Variants in B4GALT6 observed in about 807,000 individuals in gnomAD.
B4GALT6 encodes the protein UDP-Gal:beta-GlcNAc beta-1,4-galactosyltransferase 6.
Under a neutral mutation model 46.3 loss-of-function variants are expected in B4GALT6, and 14 were observed. That is an observed-to-expected ratio of 0.30 (90% confidence interval 0.20 to 0.47). The LOEUF (loss-of-function observed/expected upper bound fraction) is 0.47, where lower values mean the gene tolerates loss of function less well. B4GALT6 is among the 20% of genes least tolerant of loss of function. B4GALT6 has a pLI of 0.99. For synonymous variants in B4GALT6, 168 were observed against 162.0 expected, an observed-to-expected ratio of 1.04 and a Z score of -0.28; for missense variants, 386 against 480.1, an observed-to-expected ratio of 0.80 and a Z score of 1.83.
the B4GALT6 span, among the ~76,000 whole-genome samples, chr18:31,723,594 T>C: frequency 6.6e-6 from 1 of 151,732 alleles, no homozygotes; most frequent in Non-Finnish European, 1.5e-5. Flanking sequence ...CCAGACTGAA[T>C]TGCTCACCCC....
At chr18:31,648,997 G>A (rs1351496926) in intron 3 of B4GALT6, among the ~76,000 whole-genome samples, 2 of 152,174 alleles carry the variant, frequency 1.3e-5, no homozygotes, top group Non-Finnish European at 2.9e-5. Flanking sequence ...CAGTGTCAGA[G>A]AAAGACCTGA....
the B4GALT6 span, among the ~76,000 whole-genome samples, chr18:31,703,688 G>T: frequency 1.3e-5 from 2 of 152,228 alleles, no homozygotes; most frequent in Non-Finnish European, 2.9e-5. Context: ...GGAAAAGAAT[G>T]AGCCTAATAG....
chr18:31,707,720 G>T, the B4GALT6 span, among the ~76,000 whole-genome samples: 1 of 152,056 alleles, frequency 6.6e-6, no homozygotes, highest in Admixed American at 6.6e-5. Context: ...CCCACATTAT[G>T]CATGGTTCAT....
At chr18:31,653,435 C>CTTTTTTTTTTTTTTTTTTTTTTTTT (rs5823819) in intron 3 of B4GALT6, among the ~76,000 whole-genome samples, 1 of 74,146 alleles carries the variant, frequency 1.3e-5, no homozygotes, top group Non-Finnish European at 2.4e-5. Context: ...AACCTTTTTT[C>CTTTTTTTTTTTTTTTTTTTTTTTTT]TTTTTTTTTT....
chr18:31,685,196 C>T (rs1430954781), upstream of B4GALT6, among the ~76,000 whole-genome samples: 1 of 149,908 alleles, frequency 6.7e-6, no homozygotes, highest in African/African-American at 2.4e-5. Context: ...CGCCAGCTGC[C>T]TGCCTGGCCG....
At chr18:31,684,876 C>A (rs1048566705), upstream of B4GALT6, among the ~76,000 whole-genome samples, 2 of 150,314 alleles carry the variant, frequency 1.3e-5, no homozygotes, top group African/African-American at 4.9e-5. Context: ...CCGGCGGGGT[C>A]CCGCCGCGAA....
At chr18:31,638,890 T>C in intron 4 of B4GALT6, 130 bp from the exon 5 acceptor site, 1 of 726,974 alleles carries the variant, frequency 1.4e-6, no homozygotes, top group East Asian at 2.7e-5. Context: ...TCATCAGAGA[T>C]ACAACAGCAA....
intron 4 of B4GALT6, among the ~76,000 whole-genome samples, chr18:31,643,658 C>T (rs1667283): frequency 0.58 from 87,507 of 152,052 alleles, 27,006 homozygotes; most frequent in African/African-American, 0.82. Flanking sequence ...ATGTAGTTTA[C>T]AGTCAGTCTA....
chr18:31,684,508 T>G lies in B4GALT6; in HGVS notation c.-82A>C. On this transcript the variant is annotated 5_prime_UTR_variant, in exon 1 of 9. Coordinates refer to ENST00000306851, the MANE Select transcript of B4GALT6 (RefSeq NM_004775.5). ...TGTCCAGGCCCTAAACTTCCATAAA[T>G]GTGCTGAGAACCCCGAGACTGCAGC... is the stretch of plus-strand genomic sequence containing the variant. 2 of 1,551,420 alleles carry G rather than the reference T, an allele frequency of 1.3e-6. No individual in the cohort carries two copies. Among genetic ancestry groups the G allele is most frequent in the African/African-American group, 1.4e-5 (1 of 73,172 alleles).
chr18:31,681,821 G>T (rs967183833), intron 1 of B4GALT6, among the ~76,000 whole-genome samples: 17 of 152,128 alleles, frequency 1.1e-4, no homozygotes, highest in African/African-American at 3.9e-4. Context: ...TAACAGAGGA[G>T]ATTTGAAACG....
chr18:31,637,940 TAAATG>T (rs141713476), intron 5 of B4GALT6, among the ~76,000 whole-genome samples: 3,337 of 152,284 alleles, frequency 0.022, 47 homozygotes, highest in Non-Finnish European at 0.035. Flanking sequence ...GTTTCTCAAT[TAAATG>T]AAACTTTACA....
chr18:31,625,929 A>C (rs765650684), intron 8 of B4GALT6, among the ~76,000 whole-genome samples, 168 bp from the exon 9 acceptor site: 2 of 152,206 alleles, frequency 1.3e-5, no homozygotes, highest in Non-Finnish European at 2.9e-5. Context: ...CTAAATTAGC[A>C]ATTTTACTAC....
the B4GALT6 span, among the ~76,000 whole-genome samples, chr18:31,721,071 C>T: frequency 1.3e-5 from 2 of 151,658 alleles, no homozygotes; most frequent in Non-Finnish European, 2.9e-5. Flanking sequence ...CCTTGTGACT[C>T]ATGTAGCAAG....
chr18:31,691,803 G>A, the B4GALT6 span, among the ~76,000 whole-genome samples: 2 of 152,218 alleles, frequency 1.3e-5, no homozygotes, highest in East Asian at 3.9e-4. Flanking sequence ...TCTGAAACAG[G>A]AATTCTGGAC....
intron 1 of B4GALT6, among the ~76,000 whole-genome samples, chr18:31,675,788 A>T (rs1400377032): frequency 6.6e-6 from 1 of 152,212 alleles, no homozygotes; most frequent in Non-Finnish European, 1.5e-5. Context: ...CCCAGGAAAC[A>T]TTATAAAATT....
rs910327983 is a variant in B4GALT6, at chr18:31,631,291, A to C, written c.589-145T>G. 3.6e-6 allele frequency: 3 copies of C among 830,962 alleles called. No individual in the cohort carries two copies. In the African/African-American group the frequency reaches 5.4e-5, roughly 15 times the overall value. The allele number at this position is 830,962 out of a possible 1,614,324, so 51.5% of individuals were successfully genotyped here. ...CTGGTCTCGAACTACTGACCTCGTGATCCACCCACCTCAGCCTCCCAAGGT... is the reference window on the plus strand; with the variant it reads ...CTGGTCTCGAACTACTGACCTCGTGCTCCACCCACCTCAGCCTCCCAAGGT... On this transcript the variant is annotated intron_variant, in intron 5 of 8. Coordinates refer to ENST00000306851, the MANE Select transcript of B4GALT6 (RefSeq NM_004775.5).
chr18:31,719,728 C>T, the B4GALT6 span, among the ~76,000 whole-genome samples: 1 of 152,004 alleles, frequency 6.6e-6, no homozygotes, highest in Non-Finnish European at 1.5e-5. Flanking sequence ...TGGGGAGTGC[C>T]GTTTGATCAG....
intron 2 of B4GALT6, among the ~76,000 whole-genome samples, chr18:31,663,217 G>A (rs577021992): frequency 3.9e-5 from 6 of 152,268 alleles, no homozygotes; most frequent in African/African-American, 7.2e-5. Context: ...ATTTTGCTGC[G>A]AAACAGCAGC....
the B4GALT6 span, among the ~76,000 whole-genome samples, chr18:31,701,298 C>T: frequency 1.3e-5 from 2 of 152,206 alleles, no homozygotes; most frequent in Non-Finnish European, 2.9e-5. Flanking sequence ...CTCTCTCTTG[C>T]TCCTGCTCTG....
Sources: allele counts gnomAD v4.1 joint callset (sites outside exome capture counted in the v4.1 genomes callset), GRCh38; gene constraint gnomAD v4.1.1; transcripts MANE v1.5; gene names NCBI Gene and HGNC (gene_info 2026-07-23, HGNC 2026-07-21).